Variants in ADARB2 observed in about 807,000 individuals in gnomAD.
ADARB2 encodes the protein inactive double-stranded RNA-specific editase B2.
Under a neutral mutation model 62.2 loss-of-function variants are expected in ADARB2, and 25 were observed. That is an observed-to-expected ratio of 0.40 (90% CI 0.29 to 0.56). The LOEUF (loss-of-function observed/expected upper bound fraction) is 0.56, where lower values mean the gene tolerates loss of function less well. ADARB2 is among the 20% of genes least tolerant of loss of function. The pLI is 0.43. For synonymous variants in ADARB2, 572 were observed against 500.8 expected, an observed-to-expected ratio of 1.14 and a Z score of -1.90; for missense variants, 1,071 against 1,077.4, an observed-to-expected ratio of 0.99 and a Z score of 0.08.
intron 1 of ADARB2, among the ~76,000 whole-genome samples, chr10:1,393,543 C>T (rs1466283953): frequency 6.6e-6 from 1 of 152,184 alleles, no homozygotes; most frequent in Non-Finnish European, 1.5e-5. Context: ...ATTTTGTTCT[C>T]TTACCAGGTA....
At chr10:1,637,651 T>A (rs910169754) in intron 1 of ADARB2, among the ~76,000 whole-genome samples, 4 of 152,118 alleles carry the variant, frequency 2.6e-5, no homozygotes, top group African/African-American at 9.7e-5. Context: ...ATTCTTCTGA[T>A]TAGATTTCTA....
chr10:1,324,637 T>TAC (rs1249156091), intron 3 of ADARB2, among the ~76,000 whole-genome samples: 1 of 152,220 alleles, frequency 6.6e-6, no homozygotes, highest in Non-Finnish European at 1.5e-5. Flanking sequence ...TGATTCCAAA[T>TAC]ACATACTGCA....
chr10:1,308,113 C>T (rs919498107), intron 3 of ADARB2, among the ~76,000 whole-genome samples: 1 of 151,958 alleles, frequency 6.6e-6, no homozygotes, highest in South Asian at 2.1e-4. Flanking sequence ...AAAGTATCTC[C>T]CACTGTAGTA....
chr10:1,569,622 C>T (rs1312979001), intron 1 of ADARB2, among the ~76,000 whole-genome samples: 10 of 152,170 alleles, frequency 6.6e-5, no homozygotes, highest in Non-Finnish European at 1.0e-4. Flanking sequence ...TTTCTATATT[C>T]GCACCTGTCT....
chr10:1,301,368 G>A (rs1465327458), intron 3 of ADARB2, among the ~76,000 whole-genome samples: 2 of 152,206 alleles, frequency 1.3e-5, no homozygotes, highest in Non-Finnish European at 2.9e-5. Context: ...GAGGGGGATA[G>A]CAGCCTTTGA....
At chr10:1,257,664 C>T (rs745511880) in intron 4 of ADARB2, among the ~76,000 whole-genome samples, 2 of 151,976 alleles carry the variant, frequency 1.3e-5, no homozygotes, top group African/African-American at 4.8e-5. Flanking sequence ...AAGAGAGGTG[C>T]GGAGAGAGGA....
In ADARB2 at chr10:1,398,252, G is replaced by A. The variant is rs113422331; in HGVS notation, c.101-19092C>T. Among the ~76,000 whole-genome samples, 2 of 140,080 alleles carry A rather than the reference G, an allele frequency of 1.4e-5. No homozygotes were observed. Among genetic ancestry groups the A allele is most frequent in the African/African-American group, 2.7e-5 (1 of 37,264 alleles). 91.9% of individuals were successfully genotyped at this position (140,080 alleles called of 152,430 possible). On this transcript the variant is annotated intron_variant, in intron 1 of 9. Coordinates refer to ENST00000381312, the MANE Select transcript of ADARB2 (RefSeq NM_018702.4). This position sits in a 1 kb window ranked among gnomAD's most constrained non-coding sequence, Gnocchi z 4.1. ...GTGCAGGCTTCCTGGGTCACCGTCC[G>A]TCTCTCCCCTCCCGAGTGCAGGCTT...
intron 1 of ADARB2, among the ~76,000 whole-genome samples, chr10:1,680,931 G>T (rs573254351): frequency 2.0e-5 from 3 of 152,192 alleles, no homozygotes; most frequent in Admixed American, 6.5e-5. Context: ...AATCTTAATT[G>T]TTCTGGCCAG....
At chr10:1,216,741 T>A (rs1217165651) in intron 7 of ADARB2, 27 of 670,446 alleles carry the variant, frequency 4.0e-5, no homozygotes, top group Non-Finnish European at 6.3e-5. Flanking sequence ...TGGCAGGGCC[T>A]TGCTCCCTCA....
chr10:1,526,630 C>T (rs1832148270), intron 1 of ADARB2: 7 of 246,062 alleles, frequency 2.8e-5, no homozygotes, highest in South Asian at 2.4e-4. Flanking sequence ...GTGAAGCTTC[C>T]TGGGGCCTCA....
chr10:1,654,319 G>C (rs979009892), intron 1 of ADARB2, among the ~76,000 whole-genome samples: 1 of 152,142 alleles, frequency 6.6e-6, no homozygotes, highest in Non-Finnish European at 1.5e-5. Context: ...TCCCCCGAGG[G>C]TCTTAGCTCA....
chr10:1,326,772 CAG>C (rs1831852138), intron 3 of ADARB2, among the ~76,000 whole-genome samples: 1 of 115,714 alleles, frequency 8.6e-6, no homozygotes, highest in Non-Finnish European at 2.0e-5. Flanking sequence ...TCTGGTAGCA[CAG>C]CCCCTCCTCA....
chr10:1,210,710 G>A (rs1358762837), intron 7 of ADARB2, among the ~76,000 whole-genome samples: 1 of 152,246 alleles, frequency 6.6e-6, no homozygotes, highest in Non-Finnish European at 1.5e-5. Context: ...AGTGCAGTGA[G>A]CGGTTCCTGG....
At chr10:1,475,226 C>T (rs965381973) in intron 1 of ADARB2, among the ~76,000 whole-genome samples, 9 of 152,216 alleles carry the variant, frequency 5.9e-5, no homozygotes, top group Non-Finnish European at 1.3e-4. Flanking sequence ...GCAGGTCTCC[C>T]GCTGCTGCTC....
At chr10:1,192,544 G>A (rs2131737919) in intron 8 of ADARB2, among the ~76,000 whole-genome samples, 1 of 152,308 alleles carries the variant, frequency 6.6e-6, no homozygotes, top group Admixed American at 6.5e-5. Flanking sequence ...CTGCTGTCTT[G>A]CTTTGATACA....
At chr10:1,350,596 TACCCG>T (rs1284329777) in intron 3 of ADARB2, among the ~76,000 whole-genome samples, 1 of 152,212 alleles carries the variant, frequency 6.6e-6, no homozygotes, top group Non-Finnish European at 1.5e-5. Flanking sequence ...TCCTTTTCTT[TACCCG>T]ACCTCTCCCA....
chr10:1,340,862 CA>C (rs1564262421), intron 3 of ADARB2, among the ~76,000 whole-genome samples: 3 of 147,108 alleles, frequency 2.0e-5, no homozygotes, highest in Non-Finnish European at 4.5e-5. Flanking sequence ...TGGCAATAAC[CA>C]GCATCCACCA....
intron 1 of ADARB2, among the ~76,000 whole-genome samples, chr10:1,505,449 A>G (rs1831832683): frequency 6.7e-6 from 1 of 149,770 alleles, no homozygotes; most frequent in Non-Finnish European, 1.5e-5. Flanking sequence ...TTTATGGTTG[A>G]GTTAGCTGTC....
intron 8 of ADARB2, chr10:1,187,934 A>C: frequency 3.1e-6 from 1 of 326,458 alleles, no homozygotes; most frequent in Middle Eastern, 4.0e-4. Flanking sequence ...GATGACGTAA[A>C]TCACACTGTA....
Sources: allele counts gnomAD v4.1 joint callset (sites outside exome capture counted in the v4.1 genomes callset), GRCh38; gene constraint gnomAD v4.1.1; non-coding constraint Gnocchi (gnomAD v3.1); transcripts MANE v1.5; gene names NCBI Gene and HGNC (gene_info 2026-07-23, HGNC 2026-07-21).